KATNAL1: variants seen among roughly 807,000 people sequenced by gnomAD.
The protein encoded by KATNAL1 is katanin p60 ATPase-containing subunit A-like 1.
Under a neutral mutation model 55.2 loss-of-function variants are expected in KATNAL1, and 32 were observed. The observed-to-expected ratio is 0.58, with a 90% CI of 0.44 to 0.78. The LOEUF is 0.78. Among genes scored for constraint, KATNAL1 ranks in the 30% least tolerant of loss-of-function variants. KATNAL1 has a pLI of 0.00. For synonymous variants in KATNAL1, 193 were observed against 193.6 expected (o/e 1.00, Z 0.02); for missense variants, 466 against 600.9 (o/e 0.78, Z 2.35).
chr13:30,289,806 A>C (rs1208559787), intron 1 of KATNAL1, among the ~76,000 whole-genome samples: 1 of 152,242 alleles, frequency 6.6e-6, no homozygotes, highest in Admixed American at 6.5e-5. Context: ...CAGTGATTAC[A>C]GTTCAGAAAC....
chr13:30,227,377 G>A (rs370473174), intron 9 of KATNAL1, 35 bp downstream of exon 9: 3 of 1,585,900 alleles, frequency 1.9e-6, no homozygotes, highest in Non-Finnish European at 2.6e-6. Context: ...GTAACAAAAA[G>A]TAACAGAAAG....
At chr13:30,230,078 C>T (rs1307098278) in intron 8 of KATNAL1, among the ~76,000 whole-genome samples, 4 of 151,512 alleles carry the variant, frequency 2.6e-5, no homozygotes, top group Non-Finnish European at 4.4e-5. Context: ...GAAAACTCTA[C>T]TGTACACTTG....
chr13:30,210,965 T>C (rs1566082666), intron 9 of KATNAL1, among the ~76,000 whole-genome samples: 1 of 152,210 alleles, frequency 6.6e-6, no homozygotes, highest in Non-Finnish European at 1.5e-5. Flanking sequence ...ATGTATTTTT[T>C]ACTTGGAGAG....
chr13:30,210,050 G>A (rs1269121179), intron 10 of KATNAL1, among the ~76,000 whole-genome samples: 1 of 152,028 alleles, frequency 6.6e-6, no homozygotes, highest in Non-Finnish European at 1.5e-5. Context: ...CCAAAGTGCT[G>A]GGATTAGAGG....
chr13:30,265,703 T>TG (rs1287526501), intron 3 of KATNAL1, among the ~76,000 whole-genome samples: 2 of 145,806 alleles, frequency 1.4e-5, no homozygotes, highest in Non-Finnish European at 3.0e-5. Flanking sequence ...TTTAAGAGAT[T>TG]TTTTTTTTTT....
rs1389276477 is a variant in KATNAL1, at chr13:30,206,312, T to TA, written c.*2227dup. 3 of 151,546 alleles carry TA rather than the reference T, an allele frequency of 2.0e-5. No homozygotes were observed. The highest frequency in any genetic ancestry group is 4.4e-5 in the Non-Finnish European group (3 of 67,912). 9.4% of individuals were successfully genotyped at this position (151,546 alleles called of 1,614,324 possible). ...AATAAATAAATAAAATAAAATAAAATAAAAGTTAAATAGAACACCTGAGGG... is the reference window on the plus strand; with the variant it reads ...AATAAATAAATAAAATAAAATAAAATAAAAAGTTAAATAGAACACCTGAGGG... On this transcript the variant is annotated 3_prime_UTR_variant, in exon 11 of 11. Coordinates refer to ENST00000380615, the MANE Select transcript of KATNAL1 (RefSeq NM_032116.5).
At chr13:30,231,616 A>T in intron 6 of KATNAL1, 144 bp from the exon 7 acceptor site, 1 of 489,702 alleles carries the variant, frequency 2.0e-6, no homozygotes, top group Non-Finnish European at 3.4e-6. Flanking sequence ...TGCATTTAGT[A>T]AGAGTATTAT....
chr13:30,230,311 A>G (rs1875967587), intron 8 of KATNAL1, among the ~76,000 whole-genome samples, 157 bp downstream of exon 8: 1 of 152,226 alleles, frequency 6.6e-6, no homozygotes, highest in Non-Finnish European at 1.5e-5. Context: ...ACAAGTATGC[A>G]AGAAATGCTT....
At chr13:30,249,390 A>C (rs1463329300) in intron 4 of KATNAL1, among the ~76,000 whole-genome samples, 1 of 152,124 alleles carries the variant, frequency 6.6e-6, no homozygotes, top group Non-Finnish European at 1.5e-5. Context: ...CAGCAGTTCC[A>C]CTCCTAGGTA....
intron 1 of KATNAL1, among the ~76,000 whole-genome samples, chr13:30,293,376 C>T (rs1013895376): frequency 6.6e-6 from 1 of 152,082 alleles, no homozygotes; most frequent in Non-Finnish European, 1.5e-5. Flanking sequence ...TTACACTGTG[C>T]ACATACACTG....
chr13:30,213,891 C>T (rs1410234210), intron 9 of KATNAL1, among the ~76,000 whole-genome samples: 1 of 152,070 alleles, frequency 6.6e-6, no homozygotes, highest in Non-Finnish European at 1.5e-5. Flanking sequence ...TCTCACCACT[C>T]CTATTCAACA....
chr13:30,268,160 G>A (rs996256294), intron 3 of KATNAL1, among the ~76,000 whole-genome samples: 6 of 150,372 alleles, frequency 4.0e-5, no homozygotes, highest in Non-Finnish European at 8.8e-5. Flanking sequence ...GTGGGCCTAC[G>A]CAGGTAACAT....
chr13:30,209,007 C>T (rs1873408916), intron 10 of KATNAL1, among the ~76,000 whole-genome samples: 1 of 152,170 alleles, frequency 6.6e-6, no homozygotes, highest in Non-Finnish European at 1.5e-5. Flanking sequence ...TCCACTTGCT[C>T]CTCAAAGACA....
intron 1 of KATNAL1, among the ~76,000 whole-genome samples, chr13:30,304,196 GTTC>G (rs1883038844): frequency 6.6e-6 from 1 of 151,458 alleles, no homozygotes; most frequent in African/African-American, 2.4e-5. Context: ...CTCTCTCCCA[GTTC>G]TTCTTCCTCT....
At chr13:30,225,643 C>G (rs535713692) in intron 9 of KATNAL1, among the ~76,000 whole-genome samples, 312 of 93,950 alleles carry the variant, frequency 3.3e-3, no homozygotes, top group African/African-American at 0.012. Context: ...AAAAATGACT[C>G]ATCTACACAC....
intron 9 of KATNAL1, among the ~76,000 whole-genome samples, chr13:30,222,222 G>A (rs1378477225): frequency 3.3e-5 from 5 of 152,050 alleles, no homozygotes; most frequent in African/African-American, 1.2e-4. Flanking sequence ...ACTGAACCGC[G>A]ACACTGCCCC....
chr13:30,236,480 T>C (rs553670090), intron 6 of KATNAL1, among the ~76,000 whole-genome samples: 10 of 152,182 alleles, frequency 6.6e-5, no homozygotes, highest in South Asian at 2.1e-4. Flanking sequence ...CTTCTAAACA[T>C]CTCTCACAAA....
At chr13:30,248,688 G>T (rs910486883) in intron 4 of KATNAL1, among the ~76,000 whole-genome samples, 1 of 152,234 alleles carries the variant, frequency 6.6e-6, no homozygotes, top group Non-Finnish European at 1.5e-5. Flanking sequence ...ACTTTGGGAG[G>T]CCAAGGCAGG....
At chr13:30,268,562 T>A (rs1249544816) in intron 3 of KATNAL1, among the ~76,000 whole-genome samples, 1 of 151,734 alleles carries the variant, frequency 6.6e-6, no homozygotes, top group Admixed American at 6.6e-5. Context: ...ACAAACAGAC[T>A]AATAACACAA....
Sources: gnomAD v4.1 joint callset for allele counts (sites outside exome capture counted in the v4.1 genomes callset) on GRCh38, gnomAD v4.1.1 for gene constraint, MANE v1.5 for transcripts, NCBI Gene and HGNC (gene_info 2026-07-23, HGNC 2026-07-21) for gene names.